The following MYRF variants were observed in gnomAD, a reference collection of about 807,000 sequenced individuals.
MYRF encodes the protein myelin gene regulatory factor.
In MYRF, 16 loss-of-function variants were observed where a neutral mutation model predicts 126.3. The ratio of observed to expected loss-of-function variants is 0.13; its 90% CI spans 0.09 to 0.19. The LOEUF (loss-of-function observed/expected upper bound fraction) is 0.19, where lower values mean the gene tolerates loss of function less well. Among genes scored for constraint, MYRF ranks in the 10% least tolerant of loss-of-function variants. The pLI is 1.00. For missense variants in MYRF, 1,104 were observed against 1,547.0 expected, an observed-to-expected ratio of 0.71 and a Z score of 4.80; for synonymous variants, 608 against 635.3, an observed-to-expected ratio of 0.96 and a Z score of 0.65.
intron 1 of MYRF, among the ~76,000 whole-genome samples, chr11:61,763,189 TCA>T (rs1265273355): frequency 6.6e-6 from 1 of 152,202 alleles, no homozygotes; most frequent in Non-Finnish European, 1.5e-5. Flanking sequence ...CAACCGCCAG[TCA>T]CACTCTCCCT....
At chr11:61,769,528 C>T (rs931104112) in intron 4 of MYRF, among the ~76,000 whole-genome samples, 8 of 152,198 alleles carry the variant, frequency 5.3e-5, no homozygotes, top group African/African-American at 1.7e-4. Context: ...AGTATCCCCG[C>T]GGTGATGCCA....
chr11:61,780,491 T>C (rs1482784540), intron 18 of MYRF, among the ~76,000 whole-genome samples: 1 of 152,184 alleles, frequency 6.6e-6, no homozygotes, highest in Non-Finnish European at 1.5e-5. Flanking sequence ...CTGATGTTTC[T>C]GTCTGGCCTG....
chr11:61,766,312 G>A (rs2066059805), intron 3 of MYRF, 91 bp downstream of exon 3: 13 of 1,377,164 alleles, frequency 9.4e-6, no homozygotes, highest in Non-Finnish European at 1.3e-5. Flanking sequence ...GCTAGACACT[G>A]GCCTGGCATG....
At chr11:61,755,973 T>C (rs2065739592) in intron 1 of MYRF, among the ~76,000 whole-genome samples, 1 of 152,096 alleles carries the variant, frequency 6.6e-6, no homozygotes. Context: ...AGCTGATGGG[T>C]GGCTGGACTG....
chr11:61,771,943 A>T lies in MYRF; in HGVS notation c.1106A>T (p.Tyr369Phe), dbSNP rs779346366. The change falls in exon 7 of 27, where the codon TAC becomes TTC. Residue 369 changes from tyrosine (Y) to phenylalanine (F), a missense_variant. By Grantham distance (22) the Tyr-to-Phe change is conservative. This residue lies in a region of MYRF where 87 missense variants were observed against 129.2 expected (regional missense o/e 0.67). Transcript: ENST00000278836. ...TGGGCGACCCTGTACGATGCTAACT[A>T]CAAGGAGCTGTGAGTGCCCTACAAC... is the stretch of plus-strand genomic sequence containing the variant. The part of the protein sequence containing the change: ...NKWATLYDAN[Y>F]KELPMLTYRV... The T allele has an allele frequency of 1.2e-6, 2 of 1,614,002 alleles. No homozygotes were observed. The highest frequency in any genetic ancestry group is 1.7e-6 in the Non-Finnish European group (2 of 1,179,944).
Position 61,780,973 on chromosome 11 carries a change from T to C in MYRF, c.2500T>C (p.Phe834Leu). The change falls in exon 20 of 27, where the codon TTT becomes CTT. Residue 834 changes from phenylalanine (F) to leucine (L), a missense_variant. By Grantham distance (22) the Phe-to-Leu change is conservative (BLOSUM62 0). Around this residue, in one of 10 missense-constraint regions of MYRF, gnomAD observed 323 missense variants for 383.1 expected, o/e 0.84. Transcript: ENST00000278836. The part of the protein sequence containing the change: ...EALCPWSSQS[F>L]GTTQLRQSPL... ...CTTCCCCAGCAGGTCCAGCCAGAGC[T>C]TTGGGACCACGCAGCTCCGACAGTC... 6.2e-7 allele frequency: 1 copy of C among 1,610,044 alleles called. No individual in the cohort carries two copies. Among genetic ancestry groups the C allele is most frequent in the East Asian group, 2.2e-5 (1 of 44,870 alleles).
rs1158210752 is a variant in MYRF at position 61,778,773 on chromosome 11, A to T, written c.2013+284A>T. ...CCCCCGGTAAAATGAGGGCGGTAAT[A>T]GAACTGCACAGACATCCTCGTATGG... On this transcript the variant is annotated intron_variant, in intron 14 of 26. Transcript: ENST00000278836. The surrounding 1 kb of genome is among the most constrained non-coding windows in gnomAD (Gnocchi z 4.6). The T allele has an allele frequency of 2.7e-5, 16 of 597,710 alleles. No individual in the cohort carries two copies. The highest frequency in any genetic ancestry group is 5.0e-5 in the Non-Finnish European group (16 of 318,388). 37.0% of individuals were successfully genotyped at this position (597,710 alleles called of 1,614,324 possible). A position where few individuals can be genotyped will look rare whatever the true frequency, so the allele number is the denominator to read the frequency against.
intron 7 of MYRF, 95 bp downstream of exon 7, chr11:61,772,047 G>A (rs1363291406): frequency 1.3e-5 from 20 of 1,517,020 alleles, no homozygotes; most frequent in Non-Finnish European, 1.7e-5. Context: ...CAGGGCCTGG[G>A]AGCACTCATT....
chr11:61,754,708 C>G (rs1176539469), intron 1 of MYRF, among the ~76,000 whole-genome samples: 2 of 152,182 alleles, frequency 1.3e-5, no homozygotes, highest in South Asian at 2.1e-4. Flanking sequence ...GGAGGCTGCG[C>G]TACTCCCTCC....
intron 1 of MYRF, chr11:61,755,686 A>T (rs574226184): frequency 1.4e-6 from 1 of 698,218 alleles, no homozygotes; most frequent in East Asian, 2.8e-5. Flanking sequence ...GAAGAAGCTC[A>T]CTGCCCAGCC....
chr11:61,763,737 C>T lies in MYRF; in HGVS notation c.47-1888C>T, dbSNP rs192400123. Among the ~76,000 whole-genome samples, 39 of 152,116 alleles carry T rather than the reference C, an allele frequency of 2.6e-4. 1 individual carries two copies. In the South Asian group the frequency reaches 7.1e-3, roughly 28 times the overall value. On this transcript the variant is annotated intron_variant, in intron 1 of 26. Coordinates refer to ENST00000278836, the MANE Select transcript of MYRF (RefSeq NM_001127392.3). ...AAAATTAGCCGTGTGTGGTGGCGGG[C>T]GCCTGTAATCTCAGCTACTCGGGAG...
Position 61,783,671 on chromosome 11 carries a change from C to A in MYRF, c.3119+71C>A. The A allele has an allele frequency of 2.7e-6, 4 of 1,466,350 alleles. No individual in the cohort carries two copies. The highest frequency in any genetic ancestry group is 3.8e-6 in the Non-Finnish European group (4 of 1,057,296). 90.8% of individuals were successfully genotyped at this position (1,466,350 alleles called of 1,614,324 possible). A position where few individuals can be genotyped will look rare whatever the true frequency, so the allele number is the denominator to read the frequency against. On this transcript the variant is annotated intron_variant, in intron 23 of 26. Coordinates refer to ENST00000278836, the MANE Select transcript of MYRF (RefSeq NM_001127392.3). This position sits in a 1 kb window ranked among gnomAD's most constrained non-coding sequence, Gnocchi z 4.6. ...ATGAGCCCAGGTGGTACAGATCACC[C>A]GGAACTTGCCCTTTCAGGGAGGAGC...
At chr11:61,770,133 C>G in intron 4 of MYRF, 113 bp from the exon 5 acceptor site, 2 of 1,130,004 alleles carry the variant, frequency 1.8e-6, no homozygotes, top group East Asian at 2.9e-5. Flanking sequence ...GGGGCAGCCC[C>G]CGGGCTTGGC....
chr11:61,765,252 A>G (rs1444455980), intron 1 of MYRF, among the ~76,000 whole-genome samples: 2 of 152,238 alleles, frequency 1.3e-5, no homozygotes, highest in African/African-American at 2.4e-5. Flanking sequence ...TGTGCCTCAC[A>G]GCACCCCATA....
intron 3 of MYRF, among the ~76,000 whole-genome samples, chr11:61,767,740 T>C (rs1386134476): frequency 6.7e-6 from 1 of 149,476 alleles, no homozygotes; most frequent in East Asian, 2.0e-4. Context: ...GAGAGAATAG[T>C]TTGAGCCAGG....
intron 8 of MYRF, among the ~76,000 whole-genome samples, chr11:61,775,015 G>C (rs1392605073): frequency 2.6e-5 from 4 of 152,160 alleles, no homozygotes; most frequent in South Asian, 4.1e-4. Context: ...ATCTGGGTCA[G>C]GGCCCTCTTT....
chr11:61,786,026 C>CA lies in MYRF; in HGVS notation c.3376-36dup, dbSNP rs746037054. The CA allele has an allele frequency of 6.2e-7, 1 of 1,608,594 alleles. No homozygotes were observed. Among genetic ancestry groups the CA allele is most frequent in the East Asian group, 2.2e-5 (1 of 44,848 alleles). ...GGGAGTGCCATCTGCCCCGCACCCC[C>CA]AGAGCCACCTCACCTTCCCACTGCC... On this transcript the variant is annotated intron_variant, in intron 26 of 26. Coordinates refer to ENST00000278836, the MANE Select transcript of MYRF (RefSeq NM_001127392.3). This position sits in a 1 kb window ranked among gnomAD's most constrained non-coding sequence, Gnocchi z 4.5.
At chr11:61,758,909 G>A (rs198474) in intron 1 of MYRF, among the ~76,000 whole-genome samples, 1 of 152,240 alleles carries the variant, frequency 6.6e-6, no homozygotes, top group Non-Finnish European at 1.5e-5. Context: ...GATGAACGCT[G>A]GTGTGCGCAT....
intron 14 of MYRF, 103 bp from the exon 15 acceptor site, chr11:61,779,160 G>C: frequency 7.6e-7 from 1 of 1,310,482 alleles, no homozygotes; most frequent in Non-Finnish European, 1.0e-6. Context: ...GCCAAGGACA[G>C]TGGCCGCCCC....
Sources: gnomAD v4.1 joint callset for allele counts (sites outside exome capture counted in the v4.1 genomes callset) on GRCh38, gnomAD v4.1.1 for gene constraint, gnomAD v4.1.1 regional missense constraint, Gnocchi (gnomAD v3.1) non-coding constraint, MANE v1.5 for transcripts, NCBI Gene and HGNC (gene_info 2026-07-23, HGNC 2026-07-21) for gene names.